The following COL12A1 variants were observed in gnomAD, a reference collection of about 807,000 sequenced individuals.
COL12A1 encodes collagen alpha-1(XII) chain.
Under a neutral mutation model 349.7 loss-of-function variants are expected in COL12A1, and 114 were observed. That is an observed-to-expected ratio of 0.33 (90% CI 0.28 to 0.38). The LOEUF is 0.38. Among genes scored for constraint, COL12A1 ranks in the 10% least tolerant of loss-of-function variants. The pLI is 1.00. For missense variants in COL12A1, 3,284 were observed against 3,756.9 expected (o/e 0.87, Z 3.29); for synonymous variants, 1,369 against 1,329.0 (o/e 1.03, Z -0.66).
rs763115734 is a variant in COL12A1, at chr6:75,091,482, A to G, written c.8685+8T>C. On this transcript the variant is annotated splice_region_variant and intron_variant, in intron 61 of 65. Coordinates refer to ENST00000322507, the MANE Select transcript of COL12A1 (RefSeq NM_004370.6). ...AAAATAAACGTAAGATTTTTTAAAA[A>G]TACATACCCTATCACCTTTTTCTCC... is the stretch of plus-strand genomic sequence containing the variant. 2.5e-6 allele frequency: 4 copies of G among 1,613,228 alleles called. No homozygotes were observed. In the East Asian group the frequency reaches 8.9e-5, roughly 36 times the overall value.
Position 75,182,405 on chromosome 6 carries a change from C to A in COL12A1, c.1891+645G>T, listed in dbSNP as rs868849249. On this transcript the variant is annotated intron_variant, in intron 10 of 65. Coordinates refer to ENST00000322507, the MANE Select transcript of COL12A1 (RefSeq NM_004370.6). Reference sequence around the variant, plus strand: ...GGTCCCGGTGTGTGATGCCGCCACCCCTGTGTCCATGTGTTCTCATTATTC... The same window carrying A: ...GGTCCCGGTGTGTGATGCCGCCACCACTGTGTCCATGTGTTCTCATTATTC... 2.6e-5 allele frequency among the ~76,000 whole-genome samples: 4 copies of A among 151,984 alleles called. No homozygotes were observed. The South Asian group carries it at 8.3e-4, about 32-fold the overall frequency.
At chr6:75,181,386 A>G (rs1251242508) in intron 10 of COL12A1, among the ~76,000 whole-genome samples, 175 bp from the exon 11 acceptor site, 1 of 152,106 alleles carries the variant, frequency 6.6e-6, no homozygotes, top group East Asian at 1.9e-4. Flanking sequence ...GCCCCCCACA[A>G]CTTACAACCC....
intron 9 of COL12A1, 88 bp from the exon 10 acceptor site, chr6:75,183,740 T>TAAAA: frequency 1.4e-6 from 2 of 1,417,264 alleles, no homozygotes; most frequent in African/African-American, 2.2e-5. Flanking sequence ...GCGTGCTTCT[T>TAAAA]TAAAAAAAAA....
chr6:75,151,126 C>G lies in COL12A1; in HGVS notation c.4147+15G>C. ...CCAGCAGTGCTGAGGGAGAGAAACT[C>G]TGGGTTAAACTTACCTGGACCTTTG... On this transcript the variant is annotated intron_variant, in intron 21 of 65. Transcript: ENST00000322507. The G allele has an allele frequency of 7.5e-7, 1 of 1,336,584 alleles. No individual in the cohort carries two copies. The highest frequency in any genetic ancestry group is 9.9e-7 in the Non-Finnish European group (1 of 1,008,444). The allele number at this position is 1,336,584 out of a possible 1,614,324, so 82.8% of individuals were successfully genotyped here.
At position 75,156,526 on chromosome 6, in the gene COL12A1, G is replaced by A. The variant is rs1394199507; in HGVS notation, c.2984-3C>T. 1.2e-6 allele frequency: 2 copies of A among 1,612,688 alleles called. No homozygotes were observed. The highest frequency in any genetic ancestry group is 1.7e-6 in the Non-Finnish European group (2 of 1,179,324). On this transcript the variant is annotated splice_region_variant and splice_polypyrimidine_tract_variant and intron_variant, in intron 14 of 65. Coordinates refer to ENST00000322507, the MANE Select transcript of COL12A1 (RefSeq NM_004370.6). ...CAGGGTTTTGGAATCTTGAGATACTGGGAGATAAAAGGAAGATTAAACTGT... is the reference window on the plus strand; with the variant it reads ...CAGGGTTTTGGAATCTTGAGATACTAGGAGATAAAAGGAAGATTAAACTGT...
chr6:75,177,840 G>A lies in COL12A1; in HGVS notation c.2260C>T (p.Arg754Ter), dbSNP rs1034315777. 4 of 1,613,948 alleles carry A rather than the reference G, an allele frequency of 2.5e-6. No individual in the cohort carries two copies. Among genetic ancestry groups the A allele is most frequent in the Non-Finnish European group, 3.4e-6 (4 of 1,180,000 alleles). The change falls in exon 12 of 66, where the codon CGA becomes TGA. Residue 754 changes from arginine to a stop codon, truncating the protein, a stop_gained. Transcript: ENST00000322507. LOFTEE classifies it high-confidence loss of function. The part of the protein sequence containing the change: ...TQAPGRVLRY[R>*]IIYRPVAGGE... ...CCAGCAACTGGTCTATATATAATTC[G>A]ATATCTTAAAACTCTCCCTGGAGCT...
rs1283662438 is a variant in COL12A1 at position 75,151,350 on chromosome 6, A to C, written c.4001-63T>G. ...CAGAAAAAAATTAATGGAATGAAGC[A>C]AATGATTTACGGCTTTCTTAATTCA... On this transcript the variant is annotated intron_variant, in intron 20 of 65. Transcript: ENST00000322507. 5 of 1,493,334 alleles carry C rather than the reference A, an allele frequency of 3.3e-6. No homozygotes were observed. The East Asian group carries it at 1.2e-4, about 35-fold the overall frequency. 92.5% of individuals were successfully genotyped at this position (1,493,334 alleles called of 1,614,324 possible).
chr6:75,155,862 G>A lies in COL12A1; in HGVS notation c.3251-8C>T, dbSNP rs754632351. 1 of 1,578,564 alleles carries A rather than the reference G, an allele frequency of 6.3e-7. No homozygotes were observed. The highest frequency in any genetic ancestry group is 2.0e-5 in the Admixed American group (1 of 48,784). The stretch of plus-strand genomic sequence containing the variant: ...GAGACTTAAACCGAGAAGCTGTAAA[G>A]ACAAAAAGATTTTTAAAATATTATC... On this transcript the variant is annotated splice_region_variant and splice_polypyrimidine_tract_variant and intron_variant, in intron 15 of 65. Transcript: ENST00000322507.
rs370379561 is a variant in COL12A1 at position 75,184,025 on chromosome 6, C to A, written c.1117G>T (p.Ala373Ser). Residue 373 changes from alanine (A) to serine (S), a missense_variant, in exon 9 of 66, where the codon GCA (alanine) becomes TCA (serine). Around this residue, in one of 2 missense-constraint regions of COL12A1, gnomAD observed 2,601 missense variants for 2,824.8 expected, o/e 0.92. Coordinates refer to ENST00000322507, the MANE Select transcript of COL12A1 (RefSeq NM_004370.6). Reference protein sequence around the residue: ...GYKVILTPMTAGSRQHALSVG... With the variant: ...GYKVILTPMTSGSRQHALSVG... The stretch of plus-strand genomic sequence containing the variant: ...CTCAGAGCGTGCTGTCGGCTTCCTG[C>A]AGTCATTGGTGTGAGGATGACTTTG... The A allele has an allele frequency of 3.9e-5, 63 of 1,614,048 alleles. No individual in the cohort carries two copies. Among genetic ancestry groups the A allele is most frequent in the Admixed American group, 1.7e-4 (10 of 59,998 alleles).
chr6:75,184,486 A>G (rs1769501559), intron 8 of COL12A1, among the ~76,000 whole-genome samples: 2 of 152,230 alleles, frequency 1.3e-5, no homozygotes, highest in African/African-American at 4.8e-5. Flanking sequence ...GCACCAAAGT[A>G]GGCACTTGAT....
Position 75,156,560 on chromosome 6 carries a change from T to C in COL12A1, c.2984-37A>G, listed in dbSNP as rs567361206. On this transcript the variant is annotated intron_variant, in intron 14 of 65. Transcript: ENST00000322507. ...AAGGAAGATTAAACTGTATACCATG[T>C]TGAAAAAAAATGTATGTCCACCTCT... 7.5e-5 allele frequency: 119 copies of C among 1,591,434 alleles called. 2 individuals carry two copies. In the Middle Eastern group the frequency reaches 1.5e-3, roughly 20 times the overall value.
At position 75,155,745 on chromosome 6, in the gene COL12A1, T is replaced by C. The variant is rs1276538482; in HGVS notation, c.3360A>G (p.Thr1120=). 6.2e-7 allele frequency: 1 copy of C among 1,613,686 alleles called. No individual in the cohort carries two copies. Among genetic ancestry groups the C allele is most frequent in the South Asian group, 1.1e-5 (1 of 91,046 alleles). The change falls in exon 16 of 66, where the codon ACA becomes ACG. Residue 1120 remains threonine (T), a synonymous_variant. Transcript: ENST00000322507. ...TTCTGTCATCCCCCGTAGGGTGGAA[T>C]GTGACTTTATAACCCTTCACTTCCC... The part of the protein sequence containing the change: ...APGEVKGYKV[T]FHPTGDDRRL...
chr6:75,188,764 G>A (rs927344081), intron 7 of COL12A1, among the ~76,000 whole-genome samples: 1 of 152,090 alleles, frequency 6.6e-6, no homozygotes, highest in Admixed American at 6.6e-5. Flanking sequence ...AAAGTGGTTG[G>A]TTAAACAGAG....
chr6:75,182,810 A>G (rs1451451841), intron 10 of COL12A1, among the ~76,000 whole-genome samples: 2 of 152,188 alleles, frequency 1.3e-5, no homozygotes, highest in African/African-American at 4.8e-5. Flanking sequence ...CAATCTAGGA[A>G]CAGAAACATC....
intron 4 of COL12A1, 46 bp from the exon 5 acceptor site, chr6:75,191,806 A>C (rs771065755): frequency 7.8e-7 from 1 of 1,282,918 alleles, no homozygotes; most frequent in South Asian, 1.5e-5. Flanking sequence ...ACCCAAGCAG[A>C]TATTCTCTTT....
rs115511838 is a variant in COL12A1 at position 75,148,459 on chromosome 6, G to A, written c.4186C>T (p.Arg1396Ter). 1 of 1,613,344 alleles carries A rather than the reference G, an allele frequency of 6.2e-7. No homozygotes were observed. Among genetic ancestry groups the A allele is most frequent in the Non-Finnish European group, 8.5e-7 (1 of 1,179,468 alleles). The change falls in exon 22 of 66, where the codon CGA (arginine) becomes TGA (stop). Residue 1396 changes from arginine (R) to a stop codon, truncating the protein, a stop_gained. Transcript: ENST00000322507. LOFTEE classifies it high-confidence loss of function. ...EAPSNLVISERTHRSFRVSWT... is the reference protein window; with the variant it reads ...EAPSNLVISE The stretch of plus-strand genomic sequence containing the variant: ...CTCACTCTAAAAGAACGATGGGTTC[G>A]CTCAGAAATAACTAAGTTAGAAGGT...
intron 2 of COL12A1, among the ~76,000 whole-genome samples, chr6:75,200,577 A>C (rs1770474882): frequency 6.6e-6 from 1 of 152,296 alleles, no homozygotes; most frequent in African/African-American, 2.4e-5. Context: ...TGTCTCAGGA[A>C]AAATAAAAAT....
intron 14 of COL12A1, among the ~76,000 whole-genome samples, chr6:75,161,070 G>A (rs1768003887): frequency 6.6e-6 from 1 of 151,906 alleles, no homozygotes; most frequent in Admixed American, 6.6e-5. Flanking sequence ...CCCCATCCTA[G>A]GCACACACAC....
In COL12A1 at chr6:75,181,214, A is replaced by AT. The variant is rs753233369; in HGVS notation, c.1892-4dup. 108 of 1,413,128 alleles carry AT rather than the reference A, an allele frequency of 7.6e-5. No individual in the cohort carries two copies. The highest frequency in any genetic ancestry group is 2.6e-4 in the East Asian group (10 of 39,066). The allele number at this position is 1,413,128 out of a possible 1,614,324, so 87.5% of individuals were successfully genotyped here. A position where few individuals can be genotyped will look rare whatever the true frequency, so the allele number is the denominator to read the frequency against. On this transcript the variant is annotated splice_polypyrimidine_tract_variant and splice_region_variant and intron_variant, in intron 10 of 65. Coordinates refer to ENST00000322507, the MANE Select transcript of COL12A1 (RefSeq NM_004370.6). Reference sequence around the variant, plus strand: ...AAGATCCTTTGGAGGGACGTAAGCTATTTAAAAAAAAAAAAAGACAGTTAA... The same window carrying AT: ...AAGATCCTTTGGAGGGACGTAAGCTATTTTAAAAAAAAAAAAAGACAGTTAA...
Sources: gnomAD v4.1 joint callset for allele counts (sites outside exome capture counted in the v4.1 genomes callset) on GRCh38, gnomAD v4.1.1 for gene constraint, gnomAD v4.1.1 regional missense constraint, MANE v1.5 for transcripts, NCBI Gene and HGNC (gene_info 2026-07-23, HGNC 2026-07-21) for gene names.